The following TMX1 variants were observed in gnomAD, a reference collection of about 807,000 sequenced individuals.
TMX1 encodes the protein thioredoxin related transmembrane protein 1, also known as thioredoxin-related transmembrane protein 1.
In TMX1, 25 loss-of-function variants were observed where a neutral mutation model predicts 36.6. That is an observed-to-expected ratio of 0.68 (90% CI 0.50 to 0.95). TMX1 has a LOEUF of 0.95. Among genes scored for constraint, TMX1 ranks in the 40% least tolerant of loss-of-function variants. TMX1 has a pLI of 0.00. For missense variants in TMX1, 347 were observed against 339.6 expected, an observed-to-expected ratio of 1.02 and a Z score of -0.17; for synonymous variants, 133 against 118.0, an observed-to-expected ratio of 1.13 and a Z score of -0.82.
At chr14:51,243,825 C>CT (rs35057544) in intron 1 of TMX1, 31 bp from the exon 2 acceptor site, 163,374 of 1,522,572 alleles carry the variant, frequency 0.11, 10,708 homozygotes, top group East Asian at 0.27. Flanking sequence ...AAGTGCTTAA[C>CT]TTTTTTTAAA....
In TMX1 at chr14:51,255,772, A is replaced by C. The variant is rs926660895; in HGVS notation, c.*1253A>C. The C allele has an allele frequency of 6.6e-6, 1 of 152,078 alleles. No individual in the cohort carries two copies. The highest frequency in any genetic ancestry group is 2.4e-5 in the African/African-American group (1 of 41,428). 9.4% of individuals were successfully genotyped at this position (152,078 alleles called of 1,614,324 possible). A position where few individuals can be genotyped will look rare whatever the true frequency, so the allele number is the denominator to read the frequency against. On this transcript the variant is annotated 3_prime_UTR_variant, in exon 8 of 8. Transcript: ENST00000457354. ...TACTCCTTAAAGAGCTAGAATACAT[A>C]GTTTTCACCTTAAAAGAAGGGGGAA...
intron 1 of TMX1, 146 bp downstream of exon 1, chr14:51,240,590 C>T: frequency 1.6e-6 from 2 of 1,220,708 alleles, no homozygotes; most frequent in South Asian, 3.2e-5. Flanking sequence ...TCCCCAAACT[C>T]TTGGGATCTG....
In TMX1 at chr14:51,247,650, C is replaced by G. The variant is rs1596406021; in HGVS notation, c.443+430C>G. Among the ~76,000 whole-genome samples, 10 of 152,316 alleles carry G rather than the reference C, an allele frequency of 6.6e-5. No individual in the cohort carries two copies. In the South Asian group the frequency reaches 2.1e-3, roughly 32 times the overall value. On this transcript the variant is annotated intron_variant, in intron 4 of 7. Coordinates refer to ENST00000457354, the MANE Select transcript of TMX1 (RefSeq NM_030755.5). ...GGGATTACAGGTGTGAGCCACTATG[C>G]ACGGCCTACATGTTTGATCTTTTTA...
intron 7 of TMX1, among the ~76,000 whole-genome samples, chr14:51,253,763 A>G (rs964932756): frequency 3.9e-5 from 6 of 152,216 alleles, no homozygotes; most frequent in Admixed American, 1.3e-4. Flanking sequence ...GGGGATGAGT[A>G]AGGGGAAGCA....
chr14:51,247,006 G>T (rs933725288), intron 3 of TMX1, 86 bp from the exon 4 acceptor site: 8 of 1,202,450 alleles, frequency 6.7e-6, no homozygotes, highest in Middle Eastern at 3.0e-4. Flanking sequence ...TGTTAGAATT[G>T]ACTGTAAAGT....
intron 4 of TMX1, 119 bp from the exon 5 acceptor site, chr14:51,249,207 T>C: frequency 1.3e-6 from 1 of 754,576 alleles, no homozygotes; most frequent in Non-Finnish European, 2.1e-6. Context: ...GATGTGTCAC[T>C]AGTCTTGATT....
At chr14:51,250,818 G>C (rs2065808511) in intron 7 of TMX1, among the ~76,000 whole-genome samples, 1 of 152,172 alleles carries the variant, frequency 6.6e-6, no homozygotes, top group African/African-American at 2.4e-5. Context: ...TTAGCTTATT[G>C]AGATCAAAAT....
chr14:51,245,217 C>G (rs146294571), intron 2 of TMX1, 96 bp from the exon 3 acceptor site: 1 of 1,363,366 alleles, frequency 7.3e-7, no homozygotes, highest in East Asian at 2.4e-5. Flanking sequence ...ATTTCATATT[C>G]TTTCCTATTA....
intron 2 of TMX1, 122 bp downstream of exon 2, chr14:51,244,093 C>A: frequency 1.3e-6 from 1 of 778,512 alleles, no homozygotes; most frequent in Non-Finnish European, 1.9e-6. Flanking sequence ...TAACAGTCTG[C>A]AGCTAGTTAA....
intron 1 of TMX1, among the ~76,000 whole-genome samples, chr14:51,242,960 A>G (rs1334834873): frequency 6.6e-6 from 1 of 152,204 alleles, no homozygotes; most frequent in African/African-American, 2.4e-5. Context: ...TGGCTTTTAT[A>G]CTACCAGTTT....
At chr14:51,252,768 A>T (rs1440268788) in intron 7 of TMX1, among the ~76,000 whole-genome samples, 1 of 152,172 alleles carries the variant, frequency 6.6e-6, no homozygotes, top group African/African-American at 2.4e-5. Context: ...TCTACTGTTA[A>T]GCAAAATTGG....
chr14:51,251,919 A>G (rs1001544731), intron 7 of TMX1, among the ~76,000 whole-genome samples: 1 of 152,170 alleles, frequency 6.6e-6, no homozygotes, highest in Non-Finnish European at 1.5e-5. Context: ...GAAAATCTAT[A>G]GGCCCCGGGG....
rs1315721600 is a variant in TMX1, at chr14:51,243,855, G to A, written c.153-1G>A. ...TTTAAAAAAAAATCTGTATTTCTTA[G>A]TTATGCCCCGTGGTGCCCTGCTTGT... On this transcript the variant is annotated splice_acceptor_variant, in intron 1 of 7. Coordinates refer to ENST00000457354, the MANE Select transcript of TMX1 (RefSeq NM_030755.5). LOFTEE classifies it high-confidence loss of function. 2.5e-6 allele frequency: 4 copies of A among 1,601,044 alleles called. No individual in the cohort carries two copies. The highest frequency in any genetic ancestry group is 1.3e-5 in the African/African-American group (1 of 74,416).
rs768960034 is a variant in TMX1, at chr14:51,244,008, G to C, written c.268+37G>C. The C allele has an allele frequency of 2.6e-6, 4 of 1,521,014 alleles. No individual in the cohort carries two copies. In the South Asian group the frequency reaches 5.0e-5, roughly 19 times the overall value. The allele number at this position is 1,521,014 out of a possible 1,614,324, so 94.2% of individuals were successfully genotyped here. Reference sequence around the variant, plus strand: ...CTTTGGTTAGTTTTGTTTCTTTGCTGTTTGGGTTGATATATTTATCCTTTT... The same window carrying C: ...CTTTGGTTAGTTTTGTTTCTTTGCTCTTTGGGTTGATATATTTATCCTTTT... On this transcript the variant is annotated intron_variant, in intron 2 of 7. Coordinates refer to ENST00000457354, the MANE Select transcript of TMX1 (RefSeq NM_030755.5).
chr14:51,243,627 A>G (rs1204680697), intron 1 of TMX1, among the ~76,000 whole-genome samples: 1 of 152,208 alleles, frequency 6.6e-6, no homozygotes, highest in Non-Finnish European at 1.5e-5. Flanking sequence ...CCTGTGTCTT[A>G]TTCTCAGAAT....
At chr14:51,244,341 A>G (rs765228701) in intron 2 of TMX1, 15 of 155,544 alleles carry the variant, frequency 9.6e-5, no homozygotes, top group Non-Finnish European at 1.7e-4. Flanking sequence ...GGTTCAGGTG[A>G]ACATTGGCCA....
chr14:51,240,799 T>A (rs751242642), intron 1 of TMX1, among the ~76,000 whole-genome samples: 2 of 152,164 alleles, frequency 1.3e-5, no homozygotes, highest in Non-Finnish European at 2.9e-5. Flanking sequence ...GTAGTTAAAG[T>A]GATTCTTCAC....
chr14:51,247,271 A>G, intron 4 of TMX1, 51 bp downstream of exon 4: 3 of 1,561,484 alleles, frequency 1.9e-6, no homozygotes, highest in Non-Finnish European at 2.6e-6. Flanking sequence ...ATTGGAACAG[A>G]TAATTATATT....
intron 3 of TMX1, among the ~76,000 whole-genome samples, chr14:51,246,199 C>T (rs2065784857): frequency 6.6e-6 from 1 of 152,068 alleles, no homozygotes. Flanking sequence ...CCCCACGTGC[C>T]CCTTCAGTCT....
Sources: gnomAD v4.1 joint callset for allele counts (sites outside exome capture counted in the v4.1 genomes callset) on GRCh38, gnomAD v4.1.1 for gene constraint, MANE v1.5 for transcripts, NCBI Gene and HGNC (gene_info 2026-07-23, HGNC 2026-07-21) for gene names.